Variants in GRIK1 observed in about 807,000 individuals in gnomAD.
GRIK1 encodes the protein glutamate ionotropic receptor kainate type subunit 1.
GRIK1 carries 69 observed loss-of-function variants against 105.7 expected under a neutral mutation model. That is an observed-to-expected ratio of 0.65 (90% CI 0.54 to 0.80). The LOEUF (loss-of-function observed/expected upper bound fraction) is 0.80, where lower values mean the gene tolerates loss of function less well. Ranked by LOEUF, GRIK1 falls within the 30% of genes least tolerant of loss-of-function variation. The pLI is 0.00. For missense variants in GRIK1, 1,109 were observed against 1,167.3 expected, an observed-to-expected ratio of 0.95 and a Z score of 0.73; for synonymous variants, 438 against 431.3, an observed-to-expected ratio of 1.02 and a Z score of -0.19.
chr21:29,564,217 G>C (rs8133028), intron 14 of GRIK1, among the ~76,000 whole-genome samples: 4 of 151,620 alleles, frequency 2.6e-5, no homozygotes, highest in Admixed American at 6.6e-5. Context: ...GCGCAATCTC[G>C]GCTCACTGCA....
intron 1 of GRIK1, among the ~76,000 whole-genome samples, chr21:29,731,984 G>T (rs2064638854): frequency 6.6e-6 from 1 of 152,052 alleles, no homozygotes; most frequent in African/African-American, 2.4e-5. Flanking sequence ...CTCCTTCTTA[G>T]TGACTCAAAC....
chr21:29,595,998 C>T (rs1385216104), intron 9 of GRIK1: 4 of 232,880 alleles, frequency 1.7e-5, no homozygotes, highest in East Asian at 1.1e-4. Flanking sequence ...AGACAGTATA[C>T]TCTGATGAAG....
In GRIK1 at chr21:29,642,679, C is replaced by T. The variant is rs559334013; in HGVS notation, c.1098+147G>A. The T allele has an allele frequency of 4.0e-4, 270 of 671,020 alleles. 1 individual carries two copies. The African/African-American group carries it at 4.3e-3, about 11-fold the overall frequency. 41.6% of individuals were successfully genotyped at this position (671,020 alleles called of 1,614,324 possible). On this transcript the variant is annotated intron_variant, in intron 7 of 17. Coordinates refer to ENST00000327783, the MANE Select transcript of GRIK1 (RefSeq NM_001330994.2). The stretch of plus-strand genomic sequence containing the variant: ...CTAGTCCTTCTGGACAAACTTTTGA[C>T]ACTGAAATCTGAGCAGACTGGTTGA...
chr21:29,841,491 G>A (rs2067982586), intron 1 of GRIK1, among the ~76,000 whole-genome samples: 1 of 152,138 alleles, frequency 6.6e-6, no homozygotes, highest in Non-Finnish European at 1.5e-5. Context: ...TTCCAATAGT[G>A]CTAATAAGTG....
chr21:29,695,951 A>C (rs895002823), intron 1 of GRIK1, among the ~76,000 whole-genome samples: 1 of 152,262 alleles, frequency 6.6e-6, no homozygotes, highest in Admixed American at 6.5e-5. Flanking sequence ...ACAAATACGC[A>C]TCATGCGCGT....
At chr21:29,560,386 TTCCTTCCTTCC>T (rs2090403507) in intron 15 of GRIK1, among the ~76,000 whole-genome samples, 1 of 83,424 alleles carries the variant, frequency 1.2e-5, no homozygotes, top group Non-Finnish European at 2.3e-5. Flanking sequence ...CCTTCCTTCC[TTCCTTCCTTCC>T]TTCCTTTCTT....
At chr21:29,879,787 A>G (rs1052867892) in intron 1 of GRIK1, among the ~76,000 whole-genome samples, 3 of 152,126 alleles carry the variant, frequency 2.0e-5, no homozygotes, top group East Asian at 1.9e-4. Context: ...CAATTTTGCA[A>G]CTGTCTTCTG....
intron 4 of GRIK1, among the ~76,000 whole-genome samples, chr21:29,665,669 T>A (rs2063045215): frequency 6.6e-6 from 1 of 152,210 alleles, no homozygotes; most frequent in African/African-American, 2.4e-5. Flanking sequence ...GCATGGAAGC[T>A]CAGAGCTGAT....
intron 5 of GRIK1, 139 bp downstream of exon 5, chr21:29,654,671 G>A (rs1208397802): frequency 9.7e-6 from 6 of 617,362 alleles, no homozygotes; most frequent in Non-Finnish European, 1.8e-5. Context: ...CAGCATTGCT[G>A]GATTTAGAGG....
chr21:29,549,487 T>G (rs1039122282), intron 16 of GRIK1, among the ~76,000 whole-genome samples: 6 of 152,220 alleles, frequency 3.9e-5, no homozygotes, highest in Non-Finnish European at 7.3e-5. Context: ...TGAAAACTAA[T>G]GTATACAACT....
At chr21:29,547,641 C>A (rs1291301583) in intron 16 of GRIK1, among the ~76,000 whole-genome samples, 1 of 152,182 alleles carries the variant, frequency 6.6e-6, no homozygotes, top group Non-Finnish European at 1.5e-5. Context: ...GTTCAGAGTT[C>A]GTTTGGTTGA....
chr21:29,705,686 T>A (rs2063891424), intron 1 of GRIK1, among the ~76,000 whole-genome samples: 3 of 152,172 alleles, frequency 2.0e-5, no homozygotes, highest in Admixed American at 2.0e-4. Flanking sequence ...ATTTATACTA[T>A]CAAATCTTAC....
chr21:29,922,977 CTTTT>C (rs919683963), intron 1 of GRIK1, among the ~76,000 whole-genome samples: 1 of 152,094 alleles, frequency 6.6e-6, no homozygotes, highest in Non-Finnish European at 1.5e-5. Flanking sequence ...CTTCTTCTTT[CTTTT>C]TATTTGACCC....
At chr21:29,794,802 T>C (rs2066512447) in intron 1 of GRIK1, among the ~76,000 whole-genome samples, 1 of 152,118 alleles carries the variant, frequency 6.6e-6, no homozygotes, top group Non-Finnish European at 1.5e-5. Context: ...TTGGTAATAA[T>C]TCCAACTGGG....
At chr21:29,760,549 T>C (rs761813706) in intron 1 of GRIK1, 1 of 152,240 alleles carries the variant, frequency 6.6e-6, no homozygotes, top group Non-Finnish European at 1.5e-5. Flanking sequence ...CCATTAATGG[T>C]GGCACATAAT....
intron 7 of GRIK1, among the ~76,000 whole-genome samples, chr21:29,635,333 A>C (rs534769967): frequency 3.9e-5 from 6 of 152,322 alleles, no homozygotes; most frequent in African/African-American, 1.4e-4. Context: ...GAAATCAAGC[A>C]TACATAAAAG....
At chr21:29,773,927 C>T (rs1028668661) in intron 1 of GRIK1, among the ~76,000 whole-genome samples, 4 of 152,068 alleles carry the variant, frequency 2.6e-5, no homozygotes, top group African/African-American at 9.7e-5. Flanking sequence ...CCTTTCCCGT[C>T]TGAAAAAAGT....
intron 14 of GRIK1, among the ~76,000 whole-genome samples, chr21:29,573,580 T>A (rs2090809045): frequency 6.6e-6 from 1 of 151,516 alleles, no homozygotes; most frequent in South Asian, 2.1e-4. Context: ...CCGGGCGCAG[T>A]GGCTCACGCC....
intron 1 of GRIK1, among the ~76,000 whole-genome samples, chr21:29,869,079 T>C (rs143508348): frequency 1.2e-4 from 18 of 152,348 alleles, no homozygotes; most frequent in Admixed American, 3.9e-4. Context: ...AGGGAAAACA[T>C]TGACGTTCAC....
Sources: allele counts gnomAD v4.1 joint callset (sites outside exome capture counted in the v4.1 genomes callset), GRCh38; gene constraint gnomAD v4.1.1; transcripts MANE v1.5; gene names NCBI Gene and HGNC (gene_info 2026-07-23, HGNC 2026-07-21).